The following CSMD1 variants were observed in gnomAD, a reference collection of about 807,000 sequenced individuals.
CSMD1 encodes the protein CUB and sushi domain-containing protein 1.
A neutral mutation model predicts 417.5 loss-of-function variants in CSMD1; 213 were observed. That is an observed-to-expected ratio of 0.51 (90% confidence interval 0.46 to 0.57). The LOEUF (loss-of-function observed/expected upper bound fraction) is 0.57. Ranked by LOEUF, CSMD1 falls within the 20% of genes least tolerant of loss-of-function variation. The pLI is 0.00. For synonymous variants in CSMD1, 2,862 were observed against 1,736.8 expected (o/e 1.65, Z -16.11); for missense variants, 6,923 against 4,529.7 (o/e 1.53, Z -15.17).
intron 2 of CSMD1, among the ~76,000 whole-genome samples, chr8:4,477,391 C>T (rs1800861482): frequency 6.6e-6 from 1 of 152,212 alleles, no homozygotes; most frequent in Non-Finnish European, 1.5e-5. Context: ...ACGCCTCGAT[C>T]AGTCTCGGGG....
Position 4,495,584 on chromosome 8 carries a change from G to GAA in CSMD1, c.303-75521_303-75520dup, listed in dbSNP as rs67875283. On this transcript the variant is annotated intron_variant, in intron 2 of 69. Transcript: ENST00000635120. Reference sequence around the variant, plus strand: ...AGCAAGACTCCATCTCAGAAAAAAAGAAAAAAAAGAATTGCTTTTTAGGGC... The same window carrying GAA: ...AGCAAGACTCCATCTCAGAAAAAAAGAAAAAAAAAAGAATTGCTTTTTAGGGC... Among the ~76,000 whole-genome samples the GAA allele has an allele frequency of 5.9e-3, 892 of 151,386 alleles. 7 individuals carry two copies. The highest frequency in any genetic ancestry group is 0.014 in the Middle Eastern group (4 of 294).
intron 3 of CSMD1, among the ~76,000 whole-genome samples, chr8:4,212,378 T>C (rs1356000763): frequency 6.6e-6 from 1 of 152,056 alleles, no homozygotes; most frequent in Non-Finnish European, 1.5e-5. Context: ...ACATAGAGAA[T>C]CTCACTAAGA....
In CSMD1 at chr8:3,848,025, A is replaced by C. The variant is rs1463968014; in HGVS notation, c.819-93983T>G. The stretch of plus-strand genomic sequence containing the variant: ...TTGGATGGGGCACTTCTTTCCTGAC[A>C]CATGTTTTTATTTTGTCTAATCTTC... On this transcript the variant is annotated intron_variant, in intron 5 of 69. Transcript: ENST00000635120. Among the ~76,000 whole-genome samples, 4 of 151,452 alleles carry C rather than the reference A, an allele frequency of 2.6e-5. No individual in the cohort carries two copies. The East Asian group carries it at 7.7e-4, about 29-fold the overall frequency.
intron 7 of CSMD1, among the ~76,000 whole-genome samples, chr8:3,644,345 G>A (rs1797466478): frequency 6.6e-6 from 1 of 152,192 alleles, no homozygotes; most frequent in Non-Finnish European, 1.5e-5. Context: ...ATGGCCTTGT[G>A]TCATGTCTGG....
chr8:4,017,017 G>A (rs543968143), intron 4 of CSMD1, among the ~76,000 whole-genome samples: 3 of 152,280 alleles, frequency 2.0e-5, no homozygotes, highest in African/African-American at 4.8e-5. Context: ...AAGACTTTCA[G>A]AAGGAAGAGC....
chr8:4,836,158 A>C, intron 1 of CSMD1, among the ~76,000 whole-genome samples: 1 of 152,172 alleles, frequency 6.6e-6, no homozygotes, highest in East Asian at 1.9e-4. Flanking sequence ...CTACTTTAAA[A>C]CTGGGGTTAT....
At chr8:3,626,341 G>A (rs377112834) in intron 7 of CSMD1, among the ~76,000 whole-genome samples, 1 of 152,128 alleles carries the variant, frequency 6.6e-6, no homozygotes, top group Non-Finnish European at 1.5e-5. Context: ...ATATCTTACA[G>A]GATGCCCAAT....
rs1800037673 is a variant in CSMD1, at chr8:3,795,614, A to ATATAGATATATATCTATCATG, written c.819-41593_819-41573dup. 2.2e-4 allele frequency among the ~76,000 whole-genome samples: 7 copies of ATATAGATATATATCTATCATG among 31,788 alleles called. 3 individuals carry two copies. Among genetic ancestry groups the ATATAGATATATATCTATCATG allele is most frequent in the African/African-American group, 3.4e-4 (2 of 5,942 alleles). 20.9% of individuals were successfully genotyped at this position (31,788 alleles called of 152,430 possible). A position where few individuals can be genotyped will look rare whatever the true frequency, so the allele number is the denominator to read the frequency against. The stretch of plus-strand genomic sequence containing the variant: ...AGATATAGATATATATCTATCATAG[A>ATATAGATATATATCTATCATG]TATAGATATATATCTATCATGTATA... On this transcript the variant is annotated intron_variant, in intron 5 of 69. Coordinates refer to ENST00000635120, the MANE Select transcript of CSMD1 (RefSeq NM_033225.6).
At chr8:3,954,811 C>G (rs549848219) in intron 5 of CSMD1, among the ~76,000 whole-genome samples, 1 of 152,114 alleles carries the variant, frequency 6.6e-6, no homozygotes, top group Non-Finnish European at 1.5e-5. Flanking sequence ...CCTTGCCCCT[C>G]GGAAGCGAGC....
intron 10 of CSMD1, among the ~76,000 whole-genome samples, chr8:3,520,995 C>G (rs1412797607): frequency 1.3e-5 from 2 of 152,222 alleles, no homozygotes; most frequent in East Asian, 3.9e-4. Context: ...AAAGTCAAAG[C>G]CCTCTCTGGA....
At chr8:4,594,929 TACATATTATA>T (rs1800175745) in intron 2 of CSMD1, among the ~76,000 whole-genome samples, 1 of 152,188 alleles carries the variant, frequency 6.6e-6, no homozygotes, top group Admixed American at 6.5e-5. Context: ...ATATTGAGAC[TACATATTATA>T]ATTCAGTAGT....
chr8:4,184,652 G>C (rs1219126997), intron 3 of CSMD1, among the ~76,000 whole-genome samples: 1 of 152,064 alleles, frequency 6.6e-6, no homozygotes, highest in Admixed American at 6.6e-5. Context: ...TGGAGCTAAA[G>C]GAAGACAGAT....
At chr8:4,639,893 G>A (rs1347872407) in intron 1 of CSMD1, among the ~76,000 whole-genome samples, 1 of 152,142 alleles carries the variant, frequency 6.6e-6, no homozygotes, top group African/African-American at 2.4e-5. Flanking sequence ...CTAAATTTAA[G>A]TCCAATAATA....
chr8:4,347,965 T>A (rs752987498), intron 3 of CSMD1, among the ~76,000 whole-genome samples: 1 of 152,142 alleles, frequency 6.6e-6, no homozygotes, highest in East Asian at 1.9e-4. Flanking sequence ...GAAGAATTTA[T>A]ACACGGGAAG....
At chr8:4,663,198 G>A (rs1211746744) in intron 1 of CSMD1, among the ~76,000 whole-genome samples, 1 of 152,146 alleles carries the variant, frequency 6.6e-6, no homozygotes, top group Admixed American at 6.5e-5. Flanking sequence ...CTCTTGGCAA[G>A]ACAAGCCTGA....
At chr8:4,262,110 C>G (rs1803928229) in intron 3 of CSMD1, among the ~76,000 whole-genome samples, 1 of 152,150 alleles carries the variant, frequency 6.6e-6, no homozygotes, top group African/African-American at 2.4e-5. Context: ...TGTTACTTCT[C>G]TTTCCTATAG....
chr8:4,432,122 AAAAT>A (rs1293298261), intron 2 of CSMD1, among the ~76,000 whole-genome samples: 3 of 152,218 alleles, frequency 2.0e-5, no homozygotes, highest in African/African-American at 4.8e-5. Flanking sequence ...GTGATTATAT[AAAAT>A]AAATCCTTGC....
chr8:4,199,300 T>A (rs1339603347), intron 3 of CSMD1, among the ~76,000 whole-genome samples: 1 of 152,176 alleles, frequency 6.6e-6, no homozygotes, highest in Non-Finnish European at 1.5e-5. Context: ...GCAGGCAGTG[T>A]ATGGGTGCTT....
In CSMD1 at chr8:3,308,471, T is replaced by G. The variant is rs559232749; in HGVS notation, c.3664A>C (p.Ile1222Leu). 23 of 1,613,364 alleles carry G rather than the reference T, an allele frequency of 1.4e-5. No homozygotes were observed. Among genetic ancestry groups the G allele is most frequent in the Non-Finnish European group, 1.9e-5 (22 of 1,179,518 alleles). ...CGGATCCTATAGCCGTAGTTAGGGATGCCCGGATCCTCACATTTTACCAGA... is the reference window on the plus strand; with the variant it reads ...CGGATCCTATAGCCGTAGTTAGGGAGGCCCGGATCCTCACATTTTACCAGA... ...FDLVKCEDPG[I>L]PNYGYRIRDE... The change falls in exon 24 of 70, where the codon ATC becomes CTC. Residue 1222 changes from isoleucine (I) to leucine (L), a missense_variant. Coordinates refer to ENST00000635120, the MANE Select transcript of CSMD1 (RefSeq NM_033225.6).
Sources: allele counts gnomAD v4.1 joint callset (sites outside exome capture counted in the v4.1 genomes callset), GRCh38; gene constraint gnomAD v4.1.1; transcripts MANE v1.5; gene names NCBI Gene and HGNC (gene_info 2026-07-23, HGNC 2026-07-21).